The following ADORA3 variants were observed in gnomAD, a reference collection of about 807,000 sequenced individuals.
ADORA3 encodes adenosine receptor A3.
Under a neutral mutation model 5.7 loss-of-function variants are expected in ADORA3, and 3 were observed. That is an observed-to-expected ratio of 0.52 (90% CI 0.24 to 1.35). The LOEUF (loss-of-function observed/expected upper bound fraction) is 1.35, where lower values mean the gene tolerates loss of function less well. Ranked by LOEUF, ADORA3 falls within the 40% of genes most tolerant of loss-of-function variation. The pLI is 0.17. For missense variants in ADORA3, 343 were observed against 389.0 expected (o/e 0.88, Z 0.99); for synonymous variants, 168 against 152.3 (o/e 1.10, Z -0.76).
intron 1 of ADORA3, 35 bp downstream of exon 1, chr1:111,502,970 G>T (rs1159224448): frequency 6.2e-7 from 1 of 1,603,730 alleles, no homozygotes; most frequent in South Asian, 1.1e-5. Flanking sequence ...TTTCCCAGCT[G>T]CCTCAATTGC....
chr1:111,499,718 C>G lies in ADORA3; in HGVS notation c.*232G>C. The G allele has an allele frequency of 1.5e-6, 2 of 1,355,114 alleles. No homozygotes were observed. Among genetic ancestry groups the G allele is most frequent in the Non-Finnish European group, 1.9e-6 (2 of 1,050,692 alleles). 83.9% of individuals were successfully genotyped at this position (1,355,114 alleles called of 1,614,324 possible). A position where few individuals can be genotyped will look rare whatever the true frequency, so the allele number is the denominator to read the frequency against. On this transcript the variant is annotated 3_prime_UTR_variant, in exon 2 of 2. Coordinates refer to ENST00000241356, the MANE Select transcript of ADORA3 (RefSeq NM_000677.4). ...CAATAATATCAATAATACGTTGTCC[C>G]CAAGTCAGGCCTCCAAAACACTGAA...
chr1:111,500,400 A>G lies in ADORA3; in HGVS notation c.507T>C (p.Val169=), dbSNP rs1655114008. 5.0e-6 allele frequency: 8 copies of G among 1,614,086 alleles called. No homozygotes were observed. Among genetic ancestry groups the G allele is most frequent in the Non-Finnish European group, 6.8e-6 (8 of 1,180,042 alleles). ...CCATGTAGTCCATTCTCATGACGGA[A>G]ACAAATTGGCATGAAAGGAAGGTGA... ...RNVTFLSCQF[V]SVMRMDYMVY... is the part of the protein sequence containing the mutation. Residue 169 remains valine, a synonymous_variant, in exon 2 of 2, where the codon GTT becomes GTC. Coordinates refer to ENST00000241356, the MANE Select transcript of ADORA3 (RefSeq NM_000677.4).
rs1423935075 is a variant in ADORA3, at chr1:111,500,081, T to C, written c.826A>G (p.Met276Val). The C allele has an allele frequency of 6.2e-7, 1 of 1,614,238 alleles. No individual in the cohort carries two copies. The highest frequency in any genetic ancestry group is 2.2e-5 in the East Asian group (1 of 44,888). Reference sequence around the variant, plus strand: ...TAGGCATAGACGATAGGGTTCATCATGGAGTTGGCATGGGACAGCAGGATG... The same window carrying C: ...TAGGCATAGACGATAGGGTTCATCACGGAGTTGGCATGGGACAGCAGGATG... ...MGILLSHANS[M>V]MNPIVYAYKI... Residue 276 changes from methionine to valine, a missense_variant, in exon 2 of 2, where the codon ATG becomes GTG. Met to Val is a conservative substitution (Grantham distance 21). Transcript: ENST00000241356.
Position 111,503,163 on chromosome 1 carries a change from C to T in ADORA3, c.192G>A (p.Leu64=), listed in dbSNP as rs1306041456. Reference sequence around the variant, plus strand: ...TGACAACAATGGCCAAAGGCATGACCAGCACCCCAACAGCAATGTCAGCCA... The same window carrying T: ...TGACAACAATGGCCAAAGGCATGACTAGCACCCCAACAGCAATGTCAGCCA... ...LALADIAVGV[L]VMPLAIVVSL... is the part of the protein sequence containing the mutation. Residue 64 remains leucine, a synonymous_variant, in exon 1 of 2, where the codon CTG becomes CTA. Transcript: ENST00000241356. 4 of 1,614,118 alleles carry T rather than the reference C, an allele frequency of 2.5e-6. No individual in the cohort carries two copies. The highest frequency in any genetic ancestry group is 3.4e-6 in the Non-Finnish European group (4 of 1,180,048).
chr1:111,499,719 C>T lies in ADORA3; in HGVS notation c.*231G>A, dbSNP rs1489563606. On this transcript the variant is annotated 3_prime_UTR_variant, in exon 2 of 2. Coordinates refer to ENST00000241356, the MANE Select transcript of ADORA3 (RefSeq NM_000677.4). ...AATAATATCAATAATACGTTGTCCC[C>T]AAGTCAGGCCTCCAAAACACTGAAT... The T allele has an allele frequency of 2.2e-6, 3 of 1,357,562 alleles. No individual in the cohort carries two copies. Among genetic ancestry groups the T allele is most frequent in the Non-Finnish European group, 2.9e-6 (3 of 1,052,268 alleles). 84.1% of individuals were successfully genotyped at this position (1,357,562 alleles called of 1,614,324 possible). A position where few individuals can be genotyped will look rare whatever the true frequency, so the allele number is the denominator to read the frequency against.
chr1:111,503,313 G>C lies in ADORA3; in HGVS notation c.42C>G (p.Thr14=), dbSNP rs1231114737. The part of the protein sequence containing the change: ...NSTALSLANV[T]YITMEIFIGL... The stretch of plus-strand genomic sequence containing the variant: ...CAATGAAAATTTCCATGGTGATGTA[G>C]GTAACATTGGCCAATGACAGAGCAG... Residue 14 remains threonine (T), a synonymous_variant, in exon 1 of 2, where the codon ACC becomes ACG. Transcript: ENST00000241356. The C allele has an allele frequency of 1.2e-6, 2 of 1,614,028 alleles. No individual in the cohort carries two copies. Among genetic ancestry groups the C allele is most frequent in the Non-Finnish European group, 1.7e-6 (2 of 1,179,982 alleles).
chr1:111,500,674 C>T, intron 1 of ADORA3, 118 bp from the exon 2 acceptor site: 2 of 991,706 alleles, frequency 2.0e-6, no homozygotes, highest in Non-Finnish European at 3.0e-6. Context: ...CTTAATTCTC[C>T]AATCTTCTGC....
At position 111,503,461 on chromosome 1, in the gene ADORA3, C is replaced by T. The variant is rs1227967475; in HGVS notation, c.-107G>A. On this transcript the variant is annotated 5_prime_UTR_variant, in exon 1 of 2. Coordinates refer to ENST00000241356, the MANE Select transcript of ADORA3 (RefSeq NM_000677.4). Reference sequence around the variant, plus strand: ...AGACGTCTTCCCAGAGGTCCATGTGCAGTGACAGTCTAAAATTCCCAACTT... The same window carrying T: ...AGACGTCTTCCCAGAGGTCCATGTGTAGTGACAGTCTAAAATTCCCAACTT... The T allele has an allele frequency of 6.8e-7, 1 of 1,467,084 alleles. No individual in the cohort carries two copies. Among genetic ancestry groups the T allele is most frequent in the African/African-American group, 1.4e-5 (1 of 70,606 alleles). The allele number at this position is 1,467,084 out of a possible 1,614,324, so 90.9% of individuals were successfully genotyped here. A position where few individuals can be genotyped will look rare whatever the true frequency, so the allele number is the denominator to read the frequency against.
chr1:111,500,842 C>T (rs376742946), intron 1 of ADORA3: 1 of 507,832 alleles, frequency 2.0e-6, no homozygotes, highest in Non-Finnish European at 3.4e-6. Context: ...AGGATGTTGC[C>T]TAGAGTCAAG....
In ADORA3 at chr1:111,500,361, G is replaced by A; in HGVS notation, c.546C>T (p.Phe182=). The A allele has an allele frequency of 1.2e-6, 2 of 1,614,216 alleles. No individual in the cohort carries two copies. Among genetic ancestry groups the A allele is most frequent in the Non-Finnish European group, 1.7e-6 (2 of 1,180,032 alleles). The change falls in exon 2 of 2, where the codon TTC becomes TTT. Residue 182 remains phenylalanine, a synonymous_variant. Coordinates refer to ENST00000241356, the MANE Select transcript of ADORA3 (RefSeq NM_000677.4). ...CCAGGGGGATGAAAATCCAGGTGAG[G>A]AAGCTGAAGTATACCATGTAGTCCA... is the stretch of plus-strand genomic sequence containing the variant. ...MRMDYMVYFS[F]LTWIFIPLVV... is the part of the protein sequence containing the mutation.
intron 1 of ADORA3, among the ~76,000 whole-genome samples, chr1:111,502,168 TA>T (rs1472530385): frequency 4.4e-5 from 3 of 67,768 alleles, no homozygotes; most frequent in African/African-American, 6.4e-5. Flanking sequence ...ATATATTTAT[TA>T]TAATAAATAT....
At chr1:111,501,477 T>C (rs1357973637) in intron 1 of ADORA3, 1 of 152,186 alleles carries the variant, frequency 6.6e-6, no homozygotes, top group Non-Finnish European at 1.5e-5. Flanking sequence ...TTGATGGCAA[T>C]TGTGAAAATA....
rs1040252885 is a variant in ADORA3 at position 111,500,102 on chromosome 1, G to T, written c.805C>A (p.Leu269Met). 5.6e-6 allele frequency: 9 copies of T among 1,614,054 alleles called. No individual in the cohort carries two copies. Among genetic ancestry groups the T allele is most frequent in the Non-Finnish European group, 7.6e-6 (9 of 1,180,030 alleles). ...VPQLVLYMGI[L>M]LSHANSMMNP... ...ATCATGGAGTTGGCATGGGACAGCA[G>T]GATGCCCATGTACAGCACAAGCTGT... The change falls in exon 2 of 2, where the codon CTG (leucine) becomes ATG (methionine). Residue 269 changes from leucine to methionine, a missense_variant. Transcript: ENST00000241356.
Position 111,503,513 on chromosome 1 carries a change from G to T in ADORA3, c.-159C>A. ...CTCATTCCTACCCTTTTCTGGTGGGGTGATCTCTTGGAAACCCTTCTCCTT... is the reference window on the plus strand; with the variant it reads ...CTCATTCCTACCCTTTTCTGGTGGGTTGATCTCTTGGAAACCCTTCTCCTT... On this transcript the variant is annotated 5_prime_UTR_variant, in exon 1 of 2. Coordinates refer to ENST00000241356, the MANE Select transcript of ADORA3 (RefSeq NM_000677.4). 7.0e-7 allele frequency: 1 copy of T among 1,433,598 alleles called. No homozygotes were observed. 88.8% of individuals were successfully genotyped at this position (1,433,598 alleles called of 1,614,324 possible).
In ADORA3 at chr1:111,503,396, G is replaced by A. The variant is rs891720652; in HGVS notation, c.-42C>T. On this transcript the variant is annotated 5_prime_UTR_variant, in exon 1 of 2. Transcript: ENST00000241356. ...AACCTCCACAGGGACAGGTGAGCCA[G>A]CAAGATCCGTCTGTAGGGCCAGTGG... 3 of 1,562,252 alleles carry A rather than the reference G, an allele frequency of 1.9e-6. No individual in the cohort carries two copies. The highest frequency in any genetic ancestry group is 4.6e-5 in the East Asian group (2 of 43,602).
intron 1 of ADORA3, among the ~76,000 whole-genome samples, chr1:111,502,246 T>TA (rs1571415625): frequency 2.5e-5 from 1 of 39,518 alleles, no homozygotes; most frequent in African/African-American, 7.9e-5. Context: ...ATAGGATATA[T>TA]TTATTATAAT....
In ADORA3 at chr1:111,500,498, C is replaced by T; in HGVS notation, c.409G>A (p.Val137Met). 8.7e-6 allele frequency: 14 copies of T among 1,614,202 alleles called. No individual in the cohort carries two copies. Among genetic ancestry groups the T allele is most frequent in the Non-Finnish European group, 1.2e-5 (14 of 1,180,042 alleles). ...IWLALGLCWL[V>M]SFLVGLTPMF... ...GGGGTCAATCCCACCAGGAATGACA[C>T]CAGCCAGCAAAGGCCCAGGGCCAGC... Residue 137 changes from valine to methionine, a missense_variant, in exon 2 of 2, where the codon GTG (valine) becomes ATG (methionine). Transcript: ENST00000241356.
In ADORA3 at chr1:111,503,076, A is replaced by T; in HGVS notation, c.279T>A (p.Phe93Leu). Residue 93 changes from phenylalanine (F) to leucine (L), a missense_variant, in exon 1 of 2, where the codon TTT becomes TTA. Transcript: ENST00000241356. ...GCAAGGACATGATGGAGGCGTGGGT[A>T]AAGATAAGCAGTAGGCAAGTCATAA... ...CLFMTCLLLI[F>L]THASIMSLLA... The T allele has an allele frequency of 6.2e-7, 1 of 1,614,204 alleles. No homozygotes were observed. The highest frequency in any genetic ancestry group is 8.5e-7 in the Non-Finnish European group (1 of 1,180,028).
In ADORA3 at chr1:111,499,841, G is replaced by A; in HGVS notation, c.*109C>T. On this transcript the variant is annotated 3_prime_UTR_variant, in exon 2 of 2. Coordinates refer to ENST00000241356, the MANE Select transcript of ADORA3 (RefSeq NM_000677.4). ...GCACTGGAGATGCTCCCACCTCAGT[G>A]GAAGTAATCAAGGATGTAAAAATCC... is the stretch of plus-strand genomic sequence containing the variant. The A allele has an allele frequency of 6.5e-7, 1 of 1,530,286 alleles. No homozygotes were observed. The highest frequency in any genetic ancestry group is 2.1e-5 in the Admixed American group (1 of 47,680). The allele number at this position is 1,530,286 out of a possible 1,614,324, so 94.8% of individuals were successfully genotyped here. A position where few individuals can be genotyped will look rare whatever the true frequency, so the allele number is the denominator to read the frequency against.
Sources: gnomAD v4.1 joint callset for allele counts (sites outside exome capture counted in the v4.1 genomes callset) on GRCh38, gnomAD v4.1.1 for gene constraint, MANE v1.5 for transcripts, NCBI Gene and HGNC (gene_info 2026-07-23, HGNC 2026-07-21) for gene names.